The following GALNTL6 variants were observed in gnomAD, a reference collection of about 807,000 sequenced individuals.
The protein encoded by GALNTL6 is polypeptide N-acetylgalactosaminyltransferase like 6.
A neutral mutation model predicts 73.7 loss-of-function variants in GALNTL6; 46 were observed. The ratio of observed to expected loss-of-function variants is 0.62; its 90% CI spans 0.49 to 0.80. The LOEUF is 0.80. Among genes scored for constraint, GALNTL6 ranks in the 30% least tolerant of loss-of-function variants. The probability of loss-of-function intolerance (pLI) is 0.00; values close to 1 mark genes in which losing one functional copy is unlikely to be tolerated. For synonymous variants in GALNTL6, 259 were observed against 263.7 expected, an observed-to-expected ratio of 0.98 and a Z score of 0.17; for missense variants, 604 against 755.0, an observed-to-expected ratio of 0.80 and a Z score of 2.34.
intron 5 of GALNTL6, among the ~76,000 whole-genome samples, chr4:172,773,105 A>T (rs921157488): frequency 6.6e-6 from 1 of 152,218 alleles, no homozygotes; most frequent in African/African-American, 2.4e-5. Context: ...GGGGGTTAGG[A>T]TGAACTACAT....
intron 5 of GALNTL6, among the ~76,000 whole-genome samples, chr4:172,547,878 T>C (rs943860042): frequency 6.6e-6 from 1 of 152,184 alleles, no homozygotes; most frequent in African/African-American, 2.4e-5. Context: ...TCTGTCATTC[T>C]CAAGTGGCCT....
At chr4:172,478,888 A>G (rs1451117949) in intron 5 of GALNTL6, among the ~76,000 whole-genome samples, 1 of 152,062 alleles carries the variant, frequency 6.6e-6, no homozygotes, top group Non-Finnish European at 1.5e-5. Context: ...AGATGTACAA[A>G]TGGCCAACAA....
chr4:172,881,931 A>T (rs1207920976), intron 7 of GALNTL6, among the ~76,000 whole-genome samples: 1 of 151,980 alleles, frequency 6.6e-6, no homozygotes, highest in Non-Finnish European at 1.5e-5. Flanking sequence ...AACCGTGTGC[A>T]TAGGGAGGTT....
At position 173,040,983 on chromosome 4, in the gene GALNTL6, T is replaced by C. The variant is rs1753871357; in HGVS notation, c.*883T>C. The stretch of plus-strand genomic sequence containing the variant: ...TCTATTATTTTTAAAATCTTAAAAG[T>C]CTGATATTTGTCCAGTCATAATTTT... On this transcript the variant is annotated 3_prime_UTR_variant, in exon 13 of 13. Transcript: ENST00000506823. 6.6e-6 allele frequency: 1 copy of C among 152,368 alleles called. No individual in the cohort carries two copies. The highest frequency in any genetic ancestry group is 1.5e-5 in the Non-Finnish European group (1 of 68,018). 9.4% of individuals were successfully genotyped at this position (152,368 alleles called of 1,614,324 possible).
intron 5 of GALNTL6, among the ~76,000 whole-genome samples, chr4:172,542,697 C>T (rs1735605544): frequency 6.6e-6 from 1 of 152,134 alleles, no homozygotes; most frequent in African/African-American, 2.4e-5. Flanking sequence ...TCTGGGGTCC[C>T]CTTGGCCAAG....
Position 172,302,152 on chromosome 4 carries a change from G to A in GALNTL6, c.248-9462G>A, listed in dbSNP as rs570160898. Among the ~76,000 whole-genome samples, 306 of 152,286 alleles carry A rather than the reference G, an allele frequency of 2.0e-3. 1 individual carries two copies. Among genetic ancestry groups the A allele is most frequent in the African/African-American group, 6.8e-3 (283 of 41,568 alleles). ...TAGCAATGAGTGAGGCTCTGTGGGC[G>A]TAGGACCCTCCGAGCCAGGCATGGG... On this transcript the variant is annotated intron_variant, in intron 3 of 12. Coordinates refer to ENST00000506823, the MANE Select transcript of GALNTL6 (RefSeq NM_001034845.3).
intron 5 of GALNTL6, among the ~76,000 whole-genome samples, chr4:172,782,782 G>A (rs553705932): frequency 6.6e-6 from 1 of 152,110 alleles, no homozygotes; most frequent in Non-Finnish European, 1.5e-5. Context: ...CAGCACAGAA[G>A]GAAGAAAAAA....
At chr4:172,773,103 G>C (rs1039569611) in intron 5 of GALNTL6, among the ~76,000 whole-genome samples, 1 of 152,192 alleles carries the variant, frequency 6.6e-6, no homozygotes, top group African/African-American at 2.4e-5. Context: ...AAGGGGGTTA[G>C]GATGAACTAC....
chr4:172,763,202 A>C lies in GALNTL6; in HGVS notation c.554-46159A>C, dbSNP rs535228435. 3.0e-4 allele frequency among the ~76,000 whole-genome samples: 46 copies of C among 152,288 alleles called. 1 individual carries two copies. In the South Asian group the frequency reaches 5.4e-3, roughly 18 times the overall value. On this transcript the variant is annotated intron_variant, in intron 5 of 12. Transcript: ENST00000506823. ...GTACATATGCCATGAATTGAAAAAA[A>C]AAAACAAAACTGGAGAATCACAGCA...
chr4:172,261,206 A>G (rs1303812216), intron 3 of GALNTL6, among the ~76,000 whole-genome samples: 1 of 151,582 alleles, frequency 6.6e-6, no homozygotes, highest in Non-Finnish European at 1.5e-5. Flanking sequence ...AATATCTGAT[A>G]GAATTCATTT....
At chr4:172,439,830 C>G (rs12644293) in intron 5 of GALNTL6, among the ~76,000 whole-genome samples, 1 of 151,848 alleles carries the variant, frequency 6.6e-6, no homozygotes. Context: ...AGAGATTTCC[C>G]GTATACCCTT....
At chr4:172,213,766 T>C (rs113450060) in intron 2 of GALNTL6, among the ~76,000 whole-genome samples, 3,142 of 152,232 alleles carry the variant, frequency 0.021, 103 homozygotes, top group African/African-American at 0.07. Flanking sequence ...TTTAAAAATA[T>C]TGTCTTTGGC....
At chr4:172,134,254 G>A (rs529756687) in intron 2 of GALNTL6, among the ~76,000 whole-genome samples, 5 of 152,012 alleles carry the variant, frequency 3.3e-5, no homozygotes, top group East Asian at 1.9e-4. Context: ...GCATGGTGGC[G>A]GGCGCCTGTA....
intron 8 of GALNTL6, among the ~76,000 whole-genome samples, chr4:172,885,706 C>T (rs957658320): frequency 6.6e-6 from 1 of 152,094 alleles, no homozygotes; most frequent in Non-Finnish European, 1.5e-5. Context: ...TAATATATGG[C>T]TGTTATCATA....
chr4:172,910,226 A>G (rs1296813821), intron 8 of GALNTL6, among the ~76,000 whole-genome samples: 2 of 152,196 alleles, frequency 1.3e-5, no homozygotes, highest in Non-Finnish European at 1.5e-5. Context: ...TGTGAAAATG[A>G]CATTGCTATT....
chr4:172,003,013 C>T (rs1054348875), intron 2 of GALNTL6, among the ~76,000 whole-genome samples: 1 of 151,974 alleles, frequency 6.6e-6, no homozygotes, highest in Non-Finnish European at 1.5e-5. Context: ...AATCAATTAT[C>T]GATTAAGGGA....
intron 8 of GALNTL6, among the ~76,000 whole-genome samples, chr4:172,926,754 G>C (rs1748082245): frequency 6.6e-6 from 1 of 152,084 alleles, no homozygotes; most frequent in African/African-American, 2.4e-5. Context: ...TTATACACTG[G>C]ACTATCCAGC....
At chr4:172,469,679 C>G (rs1181857682) in intron 5 of GALNTL6, among the ~76,000 whole-genome samples, 1 of 152,086 alleles carries the variant, frequency 6.6e-6, no homozygotes, top group South Asian at 2.1e-4. Context: ...TCTATGTGCT[C>G]TTATTTAATA....
intron 5 of GALNTL6, among the ~76,000 whole-genome samples, chr4:172,392,092 G>A (rs1366148137): frequency 5.3e-5 from 8 of 151,934 alleles, no homozygotes; most frequent in Admixed American, 3.3e-4. Flanking sequence ...GGGTTCAAGC[G>A]ATTCTCCTGC....
Sources: gnomAD v4.1 joint callset for allele counts (sites outside exome capture counted in the v4.1 genomes callset) on GRCh38, gnomAD v4.1.1 for gene constraint, MANE v1.5 for transcripts, NCBI Gene and HGNC (gene_info 2026-07-23, HGNC 2026-07-21) for gene names.